The following REDIC1 variants were observed in gnomAD, a reference collection of about 807,000 sequenced individuals.
REDIC1 encodes the protein HEI10 Interacting Protein 1.
the REDIC1 span, among the ~76,000 whole-genome samples, chr12:39,702,942 T>C: frequency 6.6e-6 from 1 of 152,116 alleles, no homozygotes. Context: ...TTCAAAATAA[T>C]AAGAGCTATC....
At chr12:39,740,238 A>G in the REDIC1 span, among the ~76,000 whole-genome samples, 2 of 152,222 alleles carry the variant, frequency 1.3e-5, no homozygotes, top group Non-Finnish European at 2.9e-5. Flanking sequence ...AATGCTTTAG[A>G]GTTGGGGGGA....
At chr12:39,892,310 A>C in the REDIC1 span, among the ~76,000 whole-genome samples, 2 of 152,174 alleles carry the variant, frequency 1.3e-5, no homozygotes, top group Admixed American at 6.5e-5. Flanking sequence ...TTTGGGTCAC[A>C]GGAACAGCTG....
At chr12:39,894,531 T>C in the REDIC1 span, among the ~76,000 whole-genome samples, 2 of 152,356 alleles carry the variant, frequency 1.3e-5, no homozygotes, top group Non-Finnish European at 2.9e-5. Context: ...TCCTGCTGAA[T>C]TGATTTAGCT....
the REDIC1 span, among the ~76,000 whole-genome samples, chr12:39,803,067 G>C: frequency 1.3e-5 from 2 of 152,144 alleles, no homozygotes; most frequent in African/African-American, 4.8e-5. Flanking sequence ...TTTTCAGAAA[G>C]GAGAAGTAAA....
the REDIC1 span, among the ~76,000 whole-genome samples, chr12:39,739,738 G>C: frequency 2.6e-5 from 4 of 152,090 alleles, no homozygotes; most frequent in Non-Finnish European, 5.9e-5. Flanking sequence ...CTCTACCCCT[G>C]TCTATATTCA....
At chr12:39,773,374 G>A in the REDIC1 span, among the ~76,000 whole-genome samples, 1 of 152,114 alleles carries the variant, frequency 6.6e-6, no homozygotes, top group African/African-American at 2.4e-5. Flanking sequence ...TAAATAATCG[G>A]TTCCCTGTTC....
At chr12:39,905,822 G>GGAAAA in the REDIC1 span, among the ~76,000 whole-genome samples, 2 of 145,402 alleles carry the variant, frequency 1.4e-5, no homozygotes, top group Non-Finnish European at 3.0e-5. Flanking sequence ...AAAATGCCCA[G>GGAAAA]AAAAAAAAAA....
At chr12:39,700,091 ATGACTT>A in the REDIC1 span, among the ~76,000 whole-genome samples, 3 of 152,236 alleles carry the variant, frequency 2.0e-5, no homozygotes, top group Non-Finnish European at 2.9e-5. Context: ...TGGACGGAGA[ATGACTT>A]TGACGAGCTG....
the REDIC1 span, chr12:39,648,100 G>A: frequency 3.1e-6 from 2 of 636,916 alleles, no homozygotes; most frequent in Non-Finnish European, 4.6e-6. Context: ...CAAATTAGGA[G>A]ATAAATTAAG....
At chr12:39,711,402 C>T in the REDIC1 span, among the ~76,000 whole-genome samples, 10 of 143,474 alleles carry the variant, frequency 7.0e-5, no homozygotes, top group East Asian at 4.1e-4. Flanking sequence ...TACATATACA[C>T]ATAGATGTAT....
chr12:39,774,134 C>A, the REDIC1 span, among the ~76,000 whole-genome samples: 1 of 152,114 alleles, frequency 6.6e-6, no homozygotes, highest in African/African-American at 2.4e-5. Context: ...ATAATTACAC[C>A]ATTACAATTT....
chr12:39,733,854 T>A, the REDIC1 span, among the ~76,000 whole-genome samples: 1 of 152,160 alleles, frequency 6.6e-6, no homozygotes, highest in Non-Finnish European at 1.5e-5. Flanking sequence ...GGGGGTGGGA[T>A]CTGCTGAACT....
At chr12:39,807,269 A>T in the REDIC1 span, among the ~76,000 whole-genome samples, 2 of 152,144 alleles carry the variant, frequency 1.3e-5, no homozygotes, top group Non-Finnish European at 2.9e-5. Flanking sequence ...TGGTAACAGA[A>T]CTATATCTTG....
chr12:39,898,638 C>T, the REDIC1 span, among the ~76,000 whole-genome samples: 13 of 152,152 alleles, frequency 8.5e-5, no homozygotes, highest in African/African-American at 2.7e-4. Context: ...TAGCCTGATA[C>T]TCACACTATG....
the REDIC1 span, among the ~76,000 whole-genome samples, chr12:39,678,133 T>C: frequency 6.6e-6 from 1 of 151,558 alleles, no homozygotes; most frequent in Non-Finnish European, 1.5e-5. Flanking sequence ...GAAAAAACAA[T>C]ACAAAAGATA....
chr12:39,647,912 A>C, the REDIC1 span: 29 of 1,607,466 alleles, frequency 1.8e-5, no homozygotes, highest in Non-Finnish European at 2.5e-5. Context: ...TTCAAAACTA[A>C]ATTTCACATC....
the REDIC1 span, among the ~76,000 whole-genome samples, chr12:39,753,099 T>C: frequency 1.3e-5 from 2 of 152,206 alleles, no homozygotes; most frequent in Non-Finnish European, 2.9e-5. Flanking sequence ...TTAGTATCTA[T>C]TTGCTAAAAG....
the REDIC1 span, chr12:39,758,434 G>T: frequency 6.6e-6 from 1 of 151,864 alleles, no homozygotes. Context: ...TCCAAATACA[G>T]TACCTTATTA....
the REDIC1 span, among the ~76,000 whole-genome samples, chr12:39,718,011 C>T: frequency 1.3e-5 from 2 of 151,690 alleles, no homozygotes; most frequent in African/African-American, 2.4e-5. Context: ...TCATGATTTT[C>T]TTGATTAGCT....
Sources: gnomAD v4.1 joint callset for allele counts (sites outside exome capture counted in the v4.1 genomes callset) on GRCh38, gnomAD v4.1.1 for gene constraint, MANE v1.5 for transcripts, NCBI Gene and HGNC (gene_info 2026-07-23, HGNC 2026-07-21) for gene names.